The following PACRG variants were observed in gnomAD, a reference collection of about 807,000 sequenced individuals.
PACRG encodes the protein parkin coregulated gene protein.
In PACRG, 29 loss-of-function variants were observed where a neutral mutation model predicts 29.7. The observed-to-expected ratio is 0.98, with a 90% CI of 0.73 to 1.33. The LOEUF (loss-of-function observed/expected upper bound fraction) is 1.33, where lower values mean the gene tolerates loss of function less well. Among genes scored for constraint, PACRG ranks in the 40% most tolerant of loss-of-function variants. The pLI, the probability that PACRG is intolerant of heterozygous loss-of-function variation, is 0.00. For synonymous variants in PACRG, 116 were observed against 118.7 expected (o/e 0.98, Z 0.15); for missense variants, 279 against 316.2 (o/e 0.88, Z 0.89).
At chr6:162,835,700 C>T (rs13199213) in intron 2 of PACRG, among the ~76,000 whole-genome samples, 10,421 of 152,042 alleles carry the variant, frequency 0.069, 602 homozygotes, top group South Asian at 0.11. Flanking sequence ...TTATATATTA[C>T]ACAAGTAGCA....
intron 4 of PACRG, among the ~76,000 whole-genome samples, chr6:163,296,683 A>G (rs1784788819): frequency 6.6e-6 from 1 of 152,202 alleles, no homozygotes; most frequent in Non-Finnish European, 1.5e-5. Context: ...TGACAGACAC[A>G]CTACTCGAGT....
At chr6:163,023,453 A>G (rs558747318) in intron 2 of PACRG, among the ~76,000 whole-genome samples, 29 of 152,210 alleles carry the variant, frequency 1.9e-4, no homozygotes, top group Admixed American at 5.9e-4. Flanking sequence ...TATGTACCAC[A>G]TTTTCTTTAT....
chr6:163,288,161 T>C (rs528177660), intron 4 of PACRG, among the ~76,000 whole-genome samples: 3 of 152,340 alleles, frequency 2.0e-5, no homozygotes, highest in South Asian at 4.1e-4. Context: ...TTTCGTCTCA[T>C]GCGCTTGAAA....
chr6:162,794,886 A>T (rs1785244614), intron 1 of PACRG, among the ~76,000 whole-genome samples: 1 of 152,222 alleles, frequency 6.6e-6, no homozygotes, highest in African/African-American at 2.4e-5. Flanking sequence ...TTACAGATGC[A>T]TTCTATGGTA....
intron 4 of PACRG, among the ~76,000 whole-genome samples, chr6:163,098,269 T>G (rs1209210102): frequency 6.6e-6 from 1 of 152,144 alleles, no homozygotes; most frequent in Non-Finnish European, 1.5e-5. Flanking sequence ...GCCCCCTGCC[T>G]GTGTGTGGAA....
intron 1 of PACRG, among the ~76,000 whole-genome samples, chr6:162,770,352 CCT>C (rs1260171665): frequency 6.6e-6 from 1 of 152,138 alleles, no homozygotes; most frequent in Non-Finnish European, 1.5e-5. Context: ...TCTGACTGAA[CCT>C]TGAACCTATG....
intron 3 of PACRG, among the ~76,000 whole-genome samples, chr6:163,078,717 C>G (rs1361275531): frequency 6.6e-6 from 1 of 152,154 alleles, no homozygotes; most frequent in Non-Finnish European, 1.5e-5. Flanking sequence ...CTCCTGCTCC[C>G]ATGTGGAGGC....
In PACRG at chr6:163,003,193, A is replaced by G. The variant is rs575294989; in HGVS notation, c.292-58957A>G. ...TCTCTTAAAGTAGGTGAATACTTCTATGGCCCCAGATTGCCTGGATAAGTA... is the reference window on the plus strand; with the variant it reads ...TCTCTTAAAGTAGGTGAATACTTCTGTGGCCCCAGATTGCCTGGATAAGTA... On this transcript the variant is annotated intron_variant, in intron 2 of 4. Transcript: ENST00000366888. Among the ~76,000 whole-genome samples the G allele has an allele frequency of 5.9e-5, 9 of 152,326 alleles. No individual in the cohort carries two copies. The South Asian group carries it at 1.7e-3, about 28-fold the overall frequency.
intron 4 of PACRG, among the ~76,000 whole-genome samples, chr6:163,105,122 C>T (rs1243790798): frequency 6.6e-6 from 1 of 151,720 alleles, no homozygotes; most frequent in Non-Finnish European, 1.5e-5. Flanking sequence ...CTTGATTTCC[C>T]ATATTAAAAA....
chr6:163,269,962 A>C (rs1783746031), intron 4 of PACRG, among the ~76,000 whole-genome samples: 4 of 79,356 alleles, frequency 5.0e-5, no homozygotes, highest in African/African-American at 1.9e-4. Flanking sequence ...AAAGAAAGAA[A>C]GAAAGAAAGA....
intron 4 of PACRG, among the ~76,000 whole-genome samples, chr6:163,101,886 A>C (rs1215819637): frequency 6.6e-6 from 1 of 152,196 alleles, no homozygotes; most frequent in Non-Finnish European, 1.5e-5. Flanking sequence ...CCAAAGAGAG[A>C]ACCACATAAT....
intron 2 of PACRG, among the ~76,000 whole-genome samples, chr6:162,893,656 T>C (rs1794954940): frequency 6.6e-6 from 1 of 152,078 alleles, no homozygotes; most frequent in South Asian, 2.1e-4. Context: ...CCTTACACCT[T>C]ATGGATTCTC....
At position 162,728,110 on chromosome 6, in the gene PACRG, C is replaced by A; in HGVS notation, c.-126C>A. The A allele has an allele frequency of 1.7e-6, 2 of 1,161,980 alleles. No individual in the cohort carries two copies. 72.0% of individuals were successfully genotyped at this position (1,161,980 alleles called of 1,614,324 possible). A position where few individuals can be genotyped will look rare whatever the true frequency, so the allele number is the denominator to read the frequency against. ...AACATCTGGATCAACCTGGGCACTA[C>A]GAGGGGTTGAATTTCTACCATTATC... On this transcript the variant is annotated 5_prime_UTR_variant, in exon 1 of 5. Transcript: ENST00000366888.
At chr6:163,008,401 A>G (rs774598201) in intron 2 of PACRG, among the ~76,000 whole-genome samples, 1 of 151,972 alleles carries the variant, frequency 6.6e-6, no homozygotes, top group Non-Finnish European at 1.5e-5. Flanking sequence ...CACACATCCA[A>G]ATCCATGTGG....
Position 163,055,224 on chromosome 6 carries a change from G to A in PACRG, c.292-6926G>A, listed in dbSNP as rs940439918. Among the ~76,000 whole-genome samples, 7 of 152,090 alleles carry A rather than the reference G, an allele frequency of 4.6e-5. No homozygotes were observed. Among genetic ancestry groups the A allele is most frequent in the African/African-American group, 1.2e-4 (5 of 41,416 alleles). On this transcript the variant is annotated intron_variant, in intron 2 of 4. Transcript: ENST00000366888. The surrounding 1 kb of genome is among the most constrained non-coding windows in gnomAD (Gnocchi z 4.0). ...CCGGGGACAGTGTGGAAATGGAGCC[G>A]TGACTGGGGATAGTGTGGAAATGGA... is the stretch of plus-strand genomic sequence containing the variant.
At chr6:162,835,609 A>C (rs1159397290) in intron 2 of PACRG, among the ~76,000 whole-genome samples, 1 of 152,176 alleles carries the variant, frequency 6.6e-6, no homozygotes, top group Non-Finnish European at 1.5e-5. Flanking sequence ...TTGATCATGC[A>C]TCTCGACAAT....
intron 2 of PACRG, among the ~76,000 whole-genome samples, chr6:162,945,300 T>C (rs1163509641): frequency 1.3e-5 from 2 of 151,868 alleles, no homozygotes; most frequent in African/African-American, 4.8e-5. Context: ...AGACTGCCAG[T>C]AAGTGATGGA....
intron 4 of PACRG, among the ~76,000 whole-genome samples, chr6:163,123,968 A>C (rs1041819834): frequency 6.6e-6 from 1 of 152,234 alleles, no homozygotes; most frequent in South Asian, 2.1e-4. Flanking sequence ...TGTTTCTTCG[A>C]GATCACAATT....
chr6:162,984,980 C>T (rs4452617), intron 2 of PACRG, among the ~76,000 whole-genome samples: 75,242 of 151,510 alleles, frequency 0.5, 19,977 homozygotes, highest in East Asian at 0.73. Context: ...GTGCTGATTA[C>T]TTGTTTTGCT....
Sources: gnomAD v4.1 joint callset for allele counts (sites outside exome capture counted in the v4.1 genomes callset) on GRCh38, gnomAD v4.1.1 for gene constraint, Gnocchi (gnomAD v3.1) non-coding constraint, MANE v1.5 for transcripts, NCBI Gene and HGNC (gene_info 2026-07-23, HGNC 2026-07-21) for gene names.